Variants in IQCH observed in about 807,000 individuals in gnomAD.
The protein encoded by IQCH is IQ motif containing H.
In IQCH, 98 loss-of-function variants were observed where a neutral mutation model predicts 117.0. That is an observed-to-expected ratio of 0.84 (90% CI 0.71 to 0.99). IQCH has a LOEUF of 0.99. IQCH is among the 50% of genes least tolerant of loss of function. The pLI is 0.00. For synonymous variants in IQCH, 412 were observed against 448.2 expected, an observed-to-expected ratio of 0.92 and a Z score of 1.02; for missense variants, 1,102 against 1,243.8, an observed-to-expected ratio of 0.89 and a Z score of 1.72.
chr15:67,304,219 C>A (rs749979018), intron 4 of IQCH: 21 of 539,682 alleles, frequency 3.9e-5, no homozygotes, highest in Admixed American at 2.1e-4. Flanking sequence ...TATTTTTTTC[C>A]AGTGAGAATT....
chr15:67,449,909 G>T (rs900956995), intron 16 of IQCH, among the ~76,000 whole-genome samples: 1 of 152,102 alleles, frequency 6.6e-6, no homozygotes, highest in Non-Finnish European at 1.5e-5. Context: ...ATTGAACAGT[G>T]GTTTGTAGTT....
At chr15:67,265,349 A>T (rs1480135133) in intron 3 of IQCH, among the ~76,000 whole-genome samples, 6 of 152,366 alleles carry the variant, frequency 3.9e-5, no homozygotes, top group Admixed American at 2.6e-4. Context: ...GCACGGAGTT[A>T]GTTCCCAGAA....
intron 3 of IQCH, among the ~76,000 whole-genome samples, chr15:67,274,323 T>G (rs939666751): frequency 5.9e-5 from 9 of 152,150 alleles, no homozygotes; most frequent in Non-Finnish European, 1.3e-4. Context: ...TCTGAGAGAA[T>G]TTTCTATATC....
At chr15:67,455,824 G>A (rs925124061) in intron 16 of IQCH, among the ~76,000 whole-genome samples, 1 of 152,198 alleles carries the variant, frequency 6.6e-6, no homozygotes, top group Non-Finnish European at 1.5e-5. Context: ...ACTATCTACA[G>A]TATGGGATTA....
rs548642682 is a variant in IQCH, at chr15:67,467,890, T to A, written c.2676+2593T>A. Among the ~76,000 whole-genome samples the A allele has an allele frequency of 1.2e-3, 183 of 152,304 alleles. No homozygotes were observed. The highest frequency in any genetic ancestry group is 4.3e-3 in the African/African-American group (178 of 41,560). Reference sequence around the variant, plus strand: ...GTGTGGGCCCTTTTCTTTAATAATATGCTATATAGAAGGAAAGCAAACACC... The same window carrying A: ...GTGTGGGCCCTTTTCTTTAATAATAAGCTATATAGAAGGAAAGCAAACACC... On this transcript the variant is annotated intron_variant, in intron 17 of 20. Transcript: ENST00000335894. The surrounding 1 kb of genome is among the most constrained non-coding windows in gnomAD (Gnocchi z 5.7).
intron 8 of IQCH, among the ~76,000 whole-genome samples, chr15:67,368,547 G>T (rs537475628): frequency 6.6e-6 from 1 of 152,298 alleles, no homozygotes; most frequent in African/African-American, 2.4e-5. Context: ...GGTGCAGAAA[G>T]AACTTACTCT....
intron 6 of IQCH, among the ~76,000 whole-genome samples, chr15:67,352,884 A>G (rs1969725346): frequency 6.6e-6 from 1 of 152,194 alleles, no homozygotes; most frequent in Non-Finnish European, 1.5e-5. Flanking sequence ...TTTAGTAGAA[A>G]ACAGGAACAT....
chr15:67,319,864 A>G (rs1267015893), intron 4 of IQCH, among the ~76,000 whole-genome samples: 4 of 152,254 alleles, frequency 2.6e-5, no homozygotes, highest in African/African-American at 9.6e-5. Context: ...GAAAAAGGAT[A>G]AACTCTTACA....
rs78483766 is a variant in IQCH, at chr15:67,454,771, C to T, written c.2506-10356C>T. Among the ~76,000 whole-genome samples, 46 of 152,258 alleles carry T rather than the reference C, an allele frequency of 3.0e-4. No homozygotes were observed. The East Asian group carries it at 7.1e-3, about 24-fold the overall frequency. ...CATGGCTTAATAATATCCCATTGTA[C>T]GGCTATACCACATTTTGTTAATTTA... On this transcript the variant is annotated intron_variant, in intron 16 of 20. Coordinates refer to ENST00000335894, the MANE Select transcript of IQCH (RefSeq NM_001031715.3). The surrounding 1 kb of genome is among the most constrained non-coding windows in gnomAD (Gnocchi z 5.2).
chr15:67,412,549 C>A (rs1300092353), intron 14 of IQCH, among the ~76,000 whole-genome samples: 1 of 152,156 alleles, frequency 6.6e-6, no homozygotes, highest in African/African-American at 2.4e-5. Context: ...CAGGTGCCCA[C>A]CACCACGCCC....
rs1367024486 is a variant in IQCH at position 67,406,715 on chromosome 15, C to G, written c.2097+6410C>G. The G allele has an allele frequency of 6.6e-6, 1 of 152,092 alleles. No homozygotes were observed. The highest frequency in any genetic ancestry group is 1.5e-5 in the Non-Finnish European group (1 of 68,034). The allele number at this position is 152,092 out of a possible 1,614,324, so 9.4% of individuals were successfully genotyped here. On this transcript the variant is annotated intron_variant, in intron 14 of 20. Transcript: ENST00000335894. This position sits in a 1 kb window ranked among gnomAD's most constrained non-coding sequence, Gnocchi z 4.5. ...TCCTGGGGTTCCATAGCCAGGGACA[C>G]CTAGGTTAGACTCCCATGCTCCCTG...
rs771300006 is a variant in IQCH at position 67,365,378 on chromosome 15, C to G, written c.753+5493C>G. On this transcript the variant is annotated intron_variant, in intron 8 of 20. Transcript: ENST00000335894. The surrounding 1 kb of genome is among the most constrained non-coding windows in gnomAD (Gnocchi z 4.4). ...TCATAGAACAGCTTTGTGCTGTGAA[C>G]CCAGTCCAACTGGCTATAAGCTTAA... 1.3e-5 allele frequency among the ~76,000 whole-genome samples: 2 copies of G among 152,140 alleles called. No individual in the cohort carries two copies. The highest frequency in any genetic ancestry group is 2.4e-5 in the African/African-American group (1 of 41,424).
In IQCH at chr15:67,340,426, C is replaced by CAAAAAAAAAAAAAAAAAAAAAAAA. The variant is rs57244130; in HGVS notation, c.508+3346_508+3369dup. ...TGGGCAACAGAGAGATACTCCATCT[C>CAAAAAAAAAAAAAAAAAAAAAAAA]AAAAAAAAAAAAAAAAAAAAAAAAA... On this transcript the variant is annotated intron_variant, in intron 5 of 20. Transcript: ENST00000335894. Among the ~76,000 whole-genome samples, 8 of 62,656 alleles carry CAAAAAAAAAAAAAAAAAAAAAAAA rather than the reference C, an allele frequency of 1.3e-4. 2 individuals carry two copies. The highest frequency in any genetic ancestry group is 1.9e-3 in the East Asian group (2 of 1,058). The allele number at this position is 62,656 out of a possible 152,430, so 41.1% of individuals were successfully genotyped here.
At chr15:67,290,891 G>A (rs1400830065) in intron 4 of IQCH, among the ~76,000 whole-genome samples, 2 of 152,110 alleles carry the variant, frequency 1.3e-5, no homozygotes, top group Non-Finnish European at 2.9e-5. Flanking sequence ...GAGCCTTGGG[G>A]AATGCAGAGA....
chr15:67,383,026 C>A (rs1379289818), intron 10 of IQCH, among the ~76,000 whole-genome samples: 1 of 152,168 alleles, frequency 6.6e-6, no homozygotes, highest in East Asian at 1.9e-4. Flanking sequence ...TATATTGACT[C>A]CCAACTTCTG....
chr15:67,265,106 C>G (rs537828280), intron 3 of IQCH, among the ~76,000 whole-genome samples: 2 of 152,346 alleles, frequency 1.3e-5, no homozygotes, highest in Admixed American at 6.5e-5. Context: ...TACTCAAGTT[C>G]TACTGTCTCT....
chr15:67,477,294 G>A (rs1239183269), intron 18 of IQCH, among the ~76,000 whole-genome samples: 3 of 151,966 alleles, frequency 2.0e-5, no homozygotes, highest in Non-Finnish European at 2.9e-5. Flanking sequence ...TGATCCGCCC[G>A]CCTCGGCTTC....
intron 16 of IQCH, among the ~76,000 whole-genome samples, chr15:67,464,437 AT>A (rs1284517475): frequency 2.0e-5 from 3 of 152,212 alleles, no homozygotes; most frequent in African/African-American, 7.2e-5. Flanking sequence ...ACCAATGTCT[AT>A]TTTTTAAAGC....
chr15:67,500,764 T>G lies in IQCH; in HGVS notation c.*18T>G. ...AGAAATGATCCTGGAATACAGTACATAACAATTTGGATCCCAGTCTGGAAT... is the reference window on the plus strand; with the variant it reads ...AGAAATGATCCTGGAATACAGTACAGAACAATTTGGATCCCAGTCTGGAAT... On this transcript the variant is annotated 3_prime_UTR_variant, in exon 21 of 21. Transcript: ENST00000335894. This position sits in a 1 kb window ranked among gnomAD's most constrained non-coding sequence, Gnocchi z 4.4. 7.6e-7 allele frequency: 1 copy of G among 1,312,268 alleles called. No homozygotes were observed. The highest frequency in any genetic ancestry group is 1.1e-6 in the Non-Finnish European group (1 of 937,944). 81.3% of individuals were successfully genotyped at this position (1,312,268 alleles called of 1,614,324 possible). A position where few individuals can be genotyped will look rare whatever the true frequency, so the allele number is the denominator to read the frequency against.
Sources: allele counts gnomAD v4.1 joint callset (sites outside exome capture counted in the v4.1 genomes callset), GRCh38; gene constraint gnomAD v4.1.1; non-coding constraint Gnocchi (gnomAD v3.1); transcripts MANE v1.5; gene names NCBI Gene and HGNC (gene_info 2026-07-23, HGNC 2026-07-21).